Variants in NUP133 observed in about 807,000 individuals in gnomAD.
The protein encoded by NUP133 is nuclear pore complex protein Nup133.
In NUP133, 66 loss-of-function variants were observed where a neutral mutation model predicts 146.2. That is an observed-to-expected ratio of 0.45 (90% CI 0.37 to 0.55). The LOEUF (loss-of-function observed/expected upper bound fraction) is 0.55. Ranked by LOEUF, NUP133 falls within the 20% of genes least tolerant of loss-of-function variation. The pLI, the probability that NUP133 is intolerant of heterozygous loss-of-function variation, is 0.00. For missense variants in NUP133, 1,277 were observed against 1,374.8 expected (o/e 0.93, Z 1.12); for synonymous variants, 521 against 498.8 (o/e 1.04, Z -0.59).
intron 2 of NUP133, among the ~76,000 whole-genome samples, chr1:229,502,572 A>C (rs942537247): frequency 4.0e-5 from 6 of 150,210 alleles, no homozygotes; most frequent in African/African-American, 1.5e-4. Context: ...AAAAAAAAAA[A>C]AAAAAAAAGA....
At chr1:229,450,004 A>C (rs1279645225) in intron 23 of NUP133, among the ~76,000 whole-genome samples, 1 of 149,904 alleles carries the variant, frequency 6.7e-6, no homozygotes, top group African/African-American at 2.4e-5. Flanking sequence ...CAGCCTCCCA[A>C]GTAGCTGGGA....
chr1:229,452,235 C>T (rs1660468641), intron 22 of NUP133, among the ~76,000 whole-genome samples: 1 of 152,128 alleles, frequency 6.6e-6, no homozygotes, highest in Non-Finnish European at 1.5e-5. Flanking sequence ...AAAGTTATCT[C>T]ATGGTACTTA....
At chr1:229,455,336 C>T (rs976998000) in intron 21 of NUP133, among the ~76,000 whole-genome samples, 4 of 152,118 alleles carry the variant, frequency 2.6e-5, no homozygotes, top group African/African-American at 9.7e-5. Context: ...GGTGGGCACA[C>T]TGCTTGAGCC....
intron 3 of NUP133, among the ~76,000 whole-genome samples, 161 bp downstream of exon 3, chr1:229,501,838 T>G (rs562679676): frequency 6.6e-6 from 1 of 152,356 alleles, no homozygotes; most frequent in Admixed American, 6.5e-5. Flanking sequence ...CAAATGTGTA[T>G]GCATGCTCAT....
At chr1:229,464,046 G>A (rs775747783) in intron 18 of NUP133, among the ~76,000 whole-genome samples, 6 of 152,174 alleles carry the variant, frequency 3.9e-5, no homozygotes, top group Admixed American at 2.0e-4. Flanking sequence ...CTGGGAGGCT[G>A]AGGCAGGAGA....
intron 14 of NUP133, among the ~76,000 whole-genome samples, chr1:229,472,816 C>T (rs966985669): frequency 1.3e-5 from 2 of 151,408 alleles, no homozygotes; most frequent in Non-Finnish European, 2.9e-5. Context: ...AACACAGAGG[C>T]TTCCCTCAAC....
chr1:229,481,207 C>G (rs1202693555), intron 12 of NUP133, among the ~76,000 whole-genome samples: 1 of 152,178 alleles, frequency 6.6e-6, no homozygotes, highest in African/African-American at 2.4e-5. Flanking sequence ...ACTGCTTGCT[C>G]AGGACTTAGA....
At chr1:229,486,807 T>G (rs549004655) in intron 10 of NUP133, among the ~76,000 whole-genome samples, 6 of 151,346 alleles carry the variant, frequency 4.0e-5, no homozygotes, top group Non-Finnish European at 8.8e-5. Context: ...AAAAAGAAAA[T>G]TATTCCTTCT....
intron 5 of NUP133, among the ~76,000 whole-genome samples, 189 bp from the exon 6 acceptor site, chr1:229,498,495 GA>G (rs1661713646): frequency 6.6e-6 from 1 of 152,038 alleles, no homozygotes; most frequent in South Asian, 2.1e-4. Context: ...ATCCTACATA[GA>G]AAAACTCTCA....
At chr1:229,504,100 T>C (rs1188263174) in intron 2 of NUP133, among the ~76,000 whole-genome samples, 5 of 152,146 alleles carry the variant, frequency 3.3e-5, no homozygotes, top group South Asian at 2.1e-4. Context: ...CAAGTTCCAG[T>C]TGATGAGATA....
intron 21 of NUP133, among the ~76,000 whole-genome samples, chr1:229,457,720 C>T (rs932059706): frequency 1.3e-5 from 2 of 151,972 alleles, no homozygotes; most frequent in Non-Finnish European, 2.9e-5. Flanking sequence ...GTCGAATCTG[C>T]AGATGTGGAA....
intron 14 of NUP133, among the ~76,000 whole-genome samples, chr1:229,471,503 A>G (rs963527964): frequency 6.6e-6 from 1 of 152,072 alleles, no homozygotes; most frequent in Non-Finnish European, 1.5e-5. Context: ...TCCACCTTCA[A>G]GGACTGATTT....
chr1:229,441,948 C>T lies in NUP133; in HGVS notation c.3427G>A (p.Val1143Ile). Residue 1143 changes from valine to isoleucine, a missense_variant, in exon 26 of 26, where the codon GTT becomes ATT. Physicochemically the swap from Val to Ile is conservative, Grantham distance 29. Transcript: ENST00000261396. Reference protein sequence around the residue: ...SLKSNPYFEFVLKANYEYYVQ... With the variant: ...SLKSNPYFEFILKANYEYYVQ... ...TAATATTCATAATTTGCTTTCAAAA[C>T]AAACTCGAAGTAAGGATTGGACTTT... is the stretch of plus-strand genomic sequence containing the variant. 1 of 1,580,454 alleles carries T rather than the reference C, an allele frequency of 6.3e-7. No individual in the cohort carries two copies. Among genetic ancestry groups the T allele is most frequent in the Non-Finnish European group, 8.5e-7 (1 of 1,171,192 alleles).
At chr1:229,489,896 A>T in intron 9 of NUP133, 59 bp downstream of exon 9, 1 of 1,418,292 alleles carries the variant, frequency 7.1e-7, no homozygotes, top group Non-Finnish European at 9.4e-7. Flanking sequence ...AGACCCTGAA[A>T]TGGTTAGAAA....
chr1:229,442,410 C>T (rs1245189740), intron 25 of NUP133, among the ~76,000 whole-genome samples: 1 of 152,160 alleles, frequency 6.6e-6, no homozygotes, highest in African/African-American at 2.4e-5. Context: ...ACGCTAGCTA[C>T]AGGATCTCAA....
chr1:229,502,596 T>C (rs567290033), intron 2 of NUP133, among the ~76,000 whole-genome samples: 350 of 131,906 alleles, frequency 2.7e-3, no homozygotes, highest in African/African-American at 9.7e-3. Flanking sequence ...AAAAAAGAAA[T>C]ATATCTAAAG....
chr1:229,463,580 C>G lies in NUP133; in HGVS notation c.2648G>C (p.Ser883Thr), dbSNP rs1660744983. 3.7e-6 allele frequency: 6 copies of G among 1,614,032 alleles called. No individual in the cohort carries two copies. Among genetic ancestry groups the G allele is most frequent in the Non-Finnish European group, 5.1e-6 (6 of 1,180,008 alleles). Residue 883 changes from serine to threonine, a missense_variant, in exon 19 of 26, where the codon AGC (serine) becomes ACC (threonine). Around this residue, in one of 3 missense-constraint regions of NUP133, gnomAD observed 952 missense variants for 1,047.0 expected, o/e 0.91. Transcript: ENST00000261396. ...VQMCEQTDNQ[S>T]RLQRYMTQFA... ...CTGGGTCATGTAGCGCTGGAGTCGG[C>G]TCTGGTTGTCAGTCTGCTCACACAT...
intron 12 of NUP133, among the ~76,000 whole-genome samples, chr1:229,482,683 C>A (rs1661244274): frequency 6.6e-6 from 1 of 152,160 alleles, no homozygotes; most frequent in South Asian, 2.1e-4. Flanking sequence ...GACAATCACT[C>A]CCCACCCCAT....
intron 1 of NUP133, among the ~76,000 whole-genome samples, chr1:229,507,171 T>A (rs374899297): frequency 6.6e-5 from 10 of 152,134 alleles, no homozygotes; most frequent in African/African-American, 1.9e-4. Context: ...GCAAAAGGAA[T>A]AGAAAACACT....
Sources: gnomAD v4.1 joint callset for allele counts (sites outside exome capture counted in the v4.1 genomes callset) on GRCh38, gnomAD v4.1.1 for gene constraint, gnomAD v4.1.1 regional missense constraint, MANE v1.5 for transcripts, NCBI Gene and HGNC (gene_info 2026-07-23, HGNC 2026-07-21) for gene names.